RGS17: variants seen among roughly 807,000 people sequenced by gnomAD.
RGS17 encodes the protein regulator of G-protein signaling 17.
Under a neutral mutation model 25.5 loss-of-function variants are expected in RGS17, and 12 were observed. That is an observed-to-expected ratio of 0.47 (90% CI 0.30 to 0.76). The LOEUF is 0.76. RGS17 is among the 30% of genes least tolerant of loss of function. RGS17 has a pLI of 0.07. For synonymous variants in RGS17, 71 were observed against 76.9 expected (o/e 0.92, Z 0.40); for missense variants, 196 against 242.2 (o/e 0.81, Z 1.27).
intron 2 of RGS17, among the ~76,000 whole-genome samples, chr6:153,028,431 G>C (rs1259128750): frequency 6.6e-6 from 1 of 152,180 alleles, no homozygotes; most frequent in Non-Finnish European, 1.5e-5. Context: ...GGAGGTATTT[G>C]CGTGTGAGTG....
At chr6:153,042,835 C>A (rs920057883) in intron 2 of RGS17, among the ~76,000 whole-genome samples, 1 of 152,076 alleles carries the variant, frequency 6.6e-6, no homozygotes, top group East Asian at 1.9e-4. Context: ...AACATTTTGT[C>A]ATATCAAAAA....
At chr6:153,015,765 T>G (rs1008646490) in intron 4 of RGS17, among the ~76,000 whole-genome samples, 1 of 152,050 alleles carries the variant, frequency 6.6e-6, no homozygotes, top group Admixed American at 6.6e-5. Context: ...GCCATTGTCC[T>G]GCCTCAGCCT....
intron 4 of RGS17, among the ~76,000 whole-genome samples, chr6:153,017,810 A>G (rs1483480471): frequency 1.3e-5 from 2 of 152,152 alleles, no homozygotes; most frequent in Admixed American, 6.6e-5. Flanking sequence ...TTTCCAAGTA[A>G]AATTCTGATT....
chr6:153,060,393 A>C (rs1452800217), intron 1 of RGS17, among the ~76,000 whole-genome samples: 1 of 152,110 alleles, frequency 6.6e-6, no homozygotes, highest in Non-Finnish European at 1.5e-5. Context: ...TGGCAGAGGC[A>C]CTTCCCCCAG....
chr6:153,081,660 T>C (rs374350263), intron 1 of RGS17, among the ~76,000 whole-genome samples: 1 of 152,170 alleles, frequency 6.6e-6, no homozygotes, highest in African/African-American at 2.4e-5. Context: ...TTGAGCATAC[T>C]TTGATTTTAC....
intron 2 of RGS17, among the ~76,000 whole-genome samples, chr6:153,036,616 G>C (rs1776246255): frequency 1.3e-5 from 2 of 152,168 alleles, no homozygotes; most frequent in African/African-American, 4.8e-5. Flanking sequence ...ACCTCAATCA[G>C]AGCAAGTTGA....
At chr6:153,044,795 C>G (rs990463477) in intron 1 of RGS17, among the ~76,000 whole-genome samples, 1 of 152,110 alleles carries the variant, frequency 6.6e-6, no homozygotes, top group Non-Finnish European at 1.5e-5. Flanking sequence ...ACAGAATGTC[C>G]TATCTGTGAT....
chr6:153,096,939 A>G (rs533389997), intron 1 of RGS17, among the ~76,000 whole-genome samples: 2 of 152,280 alleles, frequency 1.3e-5, no homozygotes, highest in African/African-American at 4.8e-5. Flanking sequence ...TCTAAATATA[A>G]CAACATTGAC....
At chr6:153,062,014 T>C (rs1371174666) in intron 1 of RGS17, among the ~76,000 whole-genome samples, 1 of 152,218 alleles carries the variant, frequency 6.6e-6, no homozygotes, top group Non-Finnish European at 1.5e-5. Context: ...ATCTGTGTTC[T>C]ACTCAAGGTA....
chr6:153,116,554 C>T (rs1210637060), intron 1 of RGS17, among the ~76,000 whole-genome samples: 4 of 152,144 alleles, frequency 2.6e-5, no homozygotes, highest in African/African-American at 9.7e-5. Flanking sequence ...TACCATTTGA[C>T]CCAGCAATCC....
intron 2 of RGS17, among the ~76,000 whole-genome samples, chr6:153,029,666 C>A (rs1033986794): frequency 4.0e-5 from 6 of 151,664 alleles, no homozygotes; most frequent in Non-Finnish European, 7.4e-5. Flanking sequence ...TCTCAGCTCA[C>A]TGCAAGCTCC....
chr6:153,048,523 C>T (rs1259690607), intron 1 of RGS17, among the ~76,000 whole-genome samples: 1 of 152,216 alleles, frequency 6.6e-6, no homozygotes, highest in Non-Finnish European at 1.5e-5. Flanking sequence ...GGCTTACCAT[C>T]TTATTCAGAG....
chr6:153,054,100 A>ATATGTGTG (rs1206727866), intron 1 of RGS17, among the ~76,000 whole-genome samples: 7 of 95,358 alleles, frequency 7.3e-5, no homozygotes, highest in Admixed American at 2.4e-4. Context: ...TTTTATATAT[A>ATATGTGTG]TATATATATA....
intron 1 of RGS17, among the ~76,000 whole-genome samples, chr6:153,058,524 A>G (rs1216987805): frequency 4.6e-5 from 7 of 152,276 alleles, no homozygotes; most frequent in African/African-American, 1.7e-4. Context: ...CTTCATTATA[A>G]CCGTCGCTGT....
At chr6:153,088,964 T>G (rs975679307) in intron 1 of RGS17, among the ~76,000 whole-genome samples, 1 of 152,164 alleles carries the variant, frequency 6.6e-6, no homozygotes, top group East Asian at 1.9e-4. Context: ...CTATTTGAAA[T>G]TGCTCACCTA....
chr6:153,101,219 G>A (rs545247583), intron 1 of RGS17, among the ~76,000 whole-genome samples: 5 of 152,254 alleles, frequency 3.3e-5, no homozygotes, highest in Non-Finnish European at 5.9e-5. Context: ...TGAACAACAC[G>A]GATTTGAACT....
chr6:153,029,148 C>T (rs184648111), intron 2 of RGS17, among the ~76,000 whole-genome samples: 1 of 152,304 alleles, frequency 6.6e-6, no homozygotes, highest in East Asian at 1.9e-4. Context: ...CTACTTACAA[C>T]AGACATTCAG....
chr6:153,096,494 T>C (rs1356221125), intron 1 of RGS17, among the ~76,000 whole-genome samples: 1 of 152,206 alleles, frequency 6.6e-6, no homozygotes, highest in Non-Finnish European at 1.5e-5. Flanking sequence ...TTTGTGTTCA[T>C]TTCTTTATCA....
chr6:153,032,673 A>T (rs1343648401), intron 2 of RGS17, among the ~76,000 whole-genome samples: 1 of 152,204 alleles, frequency 6.6e-6, no homozygotes, highest in Non-Finnish European at 1.5e-5. Context: ...CGGTGAGTGT[A>T]ATAATCAAAC....
Sources: gnomAD v4.1 joint callset for allele counts (sites outside exome capture counted in the v4.1 genomes callset) on GRCh38, gnomAD v4.1.1 for gene constraint, MANE v1.5 for transcripts, NCBI Gene and HGNC (gene_info 2026-07-23, HGNC 2026-07-21) for gene names.